The following SNX29 variants were observed in gnomAD, a reference collection of about 807,000 sequenced individuals.
SNX29 encodes the protein sorting nexin 29.
In SNX29, 78 loss-of-function variants were observed where a neutral mutation model predicts 102.1. The ratio of observed to expected loss-of-function variants is 0.76; its 90% CI spans 0.64 to 0.92. The LOEUF (loss-of-function observed/expected upper bound fraction) is 0.92. Among genes scored for constraint, SNX29 ranks in the 40% least tolerant of loss-of-function variants. The probability of loss-of-function intolerance (pLI) is 0.00; values close to 1 mark genes in which losing one functional copy is unlikely to be tolerated. For synonymous variants in SNX29, 580 were observed against 414.5 expected (o/e 1.40, Z -4.85); for missense variants, 1,280 against 1,061.7 (o/e 1.21, Z -2.86).
At chr16:11,976,878 C>G in intron 1 of SNX29, 65 bp downstream of exon 1, 2 of 1,303,330 alleles carry the variant, frequency 1.5e-6, no homozygotes, top group Non-Finnish European at 1.9e-6. Context: ...TCCAGCTGCA[C>G]ACTCCGGCCC....
At chr16:12,373,221 C>A (rs948581974) in intron 16 of SNX29, among the ~76,000 whole-genome samples, 3 of 152,208 alleles carry the variant, frequency 2.0e-5, no homozygotes, top group Non-Finnish European at 4.4e-5. Context: ...CAGCCTCCGA[C>A]TTGTGGGCTC....
At chr16:12,551,988 G>C (rs1280033772) in intron 20 of SNX29, among the ~76,000 whole-genome samples, 1 of 152,192 alleles carries the variant, frequency 6.6e-6, no homozygotes, top group Admixed American at 6.5e-5. Context: ...CCATGTCAAA[G>C]TAGCTCCTGC....
At chr16:12,334,019 T>C (rs1022291201) in intron 15 of SNX29, among the ~76,000 whole-genome samples, 3 of 152,166 alleles carry the variant, frequency 2.0e-5, no homozygotes, top group Non-Finnish European at 4.4e-5. Flanking sequence ...TTGTTAAATA[T>C]CTGGGATGTT....
chr16:12,357,400 A>T (rs2082166047), intron 16 of SNX29, among the ~76,000 whole-genome samples: 1 of 152,176 alleles, frequency 6.6e-6, no homozygotes, highest in South Asian at 2.1e-4. Context: ...GTGTCATCAC[A>T]GTCAGTGTTC....
chr16:12,114,656 A>G (rs1349024400), intron 11 of SNX29, among the ~76,000 whole-genome samples: 1 of 151,158 alleles, frequency 6.6e-6, no homozygotes, highest in Non-Finnish European at 1.5e-5. Context: ...GCATGATCTC[A>G]GCTCACTGCA....
intron 8 of SNX29, among the ~76,000 whole-genome samples, chr16:12,058,612 C>T (rs538893839): frequency 4.7e-5 from 7 of 150,078 alleles, no homozygotes; most frequent in African/African-American, 1.7e-4. Flanking sequence ...TCCTGCCTCA[C>T]CCTTCCAAGT....
chr16:12,549,445 A>G (rs1174208790), intron 20 of SNX29, among the ~76,000 whole-genome samples: 2 of 152,210 alleles, frequency 1.3e-5, no homozygotes, highest in African/African-American at 2.4e-5. Context: ...CAGTGACCTA[A>G]GATTGCACCA....
At chr16:12,401,850 A>T (rs1386838748) in intron 17 of SNX29, among the ~76,000 whole-genome samples, 2 of 152,204 alleles carry the variant, frequency 1.3e-5, no homozygotes, top group Non-Finnish European at 2.9e-5. Flanking sequence ...AACATCTAGG[A>T]GGGAGATGGG....
At chr16:12,400,577 A>G (rs116511962) in intron 17 of SNX29, among the ~76,000 whole-genome samples, 1,534 of 152,268 alleles carry the variant, frequency 0.01, 23 homozygotes, top group African/African-American at 0.035. Flanking sequence ...TGGCCGAAAC[A>G]TTGCTTCTTC....
intron 15 of SNX29, among the ~76,000 whole-genome samples, chr16:12,307,614 G>A (rs2080380004): frequency 6.6e-6 from 1 of 152,222 alleles, no homozygotes; most frequent in African/African-American, 2.4e-5. Flanking sequence ...GAGGGGAGAA[G>A]TTGTCAGCAG....
At chr16:12,566,717 G>A (rs568514765) in intron 20 of SNX29, among the ~76,000 whole-genome samples, 42 of 152,326 alleles carry the variant, frequency 2.8e-4, no homozygotes, top group Admixed American at 2.4e-3. Context: ...ATCCTTTGAA[G>A]AGAGGATCAT....
chr16:12,416,087 C>T (rs1026795561), intron 18 of SNX29, among the ~76,000 whole-genome samples: 1 of 152,150 alleles, frequency 6.6e-6, no homozygotes, highest in African/African-American at 2.4e-5. Flanking sequence ...TTGAAAAAGA[C>T]AACTACAGCC....
intron 16 of SNX29, chr16:12,373,005 T>C (rs192727597): frequency 6.6e-6 from 1 of 152,328 alleles, no homozygotes; most frequent in East Asian, 1.9e-4. Context: ...ATTTTAGAGA[T>C]GACAAGACTA....
At chr16:11,984,842 A>T (rs1215505972) in intron 1 of SNX29, among the ~76,000 whole-genome samples, 1 of 152,044 alleles carries the variant, frequency 6.6e-6, no homozygotes, top group African/African-American at 2.4e-5. Flanking sequence ...TGGTGTAGAG[A>T]CAGGGTCTCA....
chr16:12,230,484 T>C (rs1490160175), intron 14 of SNX29, among the ~76,000 whole-genome samples: 4 of 152,230 alleles, frequency 2.6e-5, no homozygotes, highest in Non-Finnish European at 5.9e-5. Flanking sequence ...AGCTTGTTTG[T>C]GGAAACTGGA....
At chr16:12,478,176 T>TGG (rs2151821935) in intron 19 of SNX29, among the ~76,000 whole-genome samples, 1 of 152,356 alleles carries the variant, frequency 6.6e-6, no homozygotes, top group African/African-American at 2.4e-5. Context: ...TCACCTCTGC[T>TGG]GGGGTCCTGT....
At chr16:12,105,978 A>G (rs544822731) in intron 11 of SNX29, among the ~76,000 whole-genome samples, 1 of 152,288 alleles carries the variant, frequency 6.6e-6, no homozygotes, top group South Asian at 2.1e-4. Flanking sequence ...TTCCTGGAGG[A>G]GTCTGTACTA....
At chr16:12,247,456 C>A (rs1232411000) in intron 14 of SNX29, among the ~76,000 whole-genome samples, 1 of 152,148 alleles carries the variant, frequency 6.6e-6, no homozygotes, top group East Asian at 1.9e-4. Flanking sequence ...AAAATAAATA[C>A]CTTCCGACTT....
chr16:12,564,704 G>A (rs1312646749), intron 20 of SNX29, among the ~76,000 whole-genome samples: 3 of 151,802 alleles, frequency 2.0e-5, no homozygotes, highest in South Asian at 2.1e-4. Flanking sequence ...CCCCAGAGCT[G>A]CAAGCCCACT....
Sources: gnomAD v4.1 joint callset for allele counts (sites outside exome capture counted in the v4.1 genomes callset) on GRCh38, gnomAD v4.1.1 for gene constraint, MANE v1.5 for transcripts, NCBI Gene and HGNC (gene_info 2026-07-23, HGNC 2026-07-21) for gene names.